The following IL1RAP variants were observed in gnomAD, a reference collection of about 807,000 sequenced individuals.
IL1RAP encodes the protein interleukin-1 receptor accessory protein.
IL1RAP carries 35 observed loss-of-function variants against 60.7 expected under a neutral mutation model. The ratio of observed to expected loss-of-function variants is 0.58; its 90% confidence interval spans 0.44 to 0.76. The LOEUF is 0.76. Among genes scored for constraint, IL1RAP ranks in the 30% least tolerant of loss-of-function variants. The pLI is 0.00. For missense variants in IL1RAP, 572 were observed against 693.9 expected (o/e 0.82, Z 1.97); for synonymous variants, 268 against 250.9 (o/e 1.07, Z -0.64).
chr3:190,633,877 C>T (rs12497824), intron 9 of IL1RAP, among the ~76,000 whole-genome samples: 8,720 of 152,042 alleles, frequency 0.057, 395 homozygotes, highest in East Asian at 0.15. Flanking sequence ...TTTTACTGTC[C>T]GTTTCACTCT....
intron 9 of IL1RAP, among the ~76,000 whole-genome samples, chr3:190,639,525 T>C (rs1560237432): frequency 1.3e-5 from 2 of 152,198 alleles, no homozygotes; most frequent in Non-Finnish European, 1.5e-5. Flanking sequence ...TTTAAAAAAA[T>C]TGAACAAATA....
chr3:190,538,454 G>T (rs1723651851), intron 1 of IL1RAP, among the ~76,000 whole-genome samples: 2 of 152,158 alleles, frequency 1.3e-5, no homozygotes, highest in Non-Finnish European at 2.9e-5. Context: ...ATCACAGACT[G>T]TATCTTCAGC....
At chr3:190,535,829 G>A (rs1285327884) in intron 1 of IL1RAP, among the ~76,000 whole-genome samples, 1 of 152,154 alleles carries the variant, frequency 6.6e-6, no homozygotes, top group Non-Finnish European at 1.5e-5. Context: ...TGTCTATTAA[G>A]TGCTGTGTTT....
intron 1 of IL1RAP, among the ~76,000 whole-genome samples, chr3:190,520,787 C>T (rs112546261): frequency 0.022 from 3,281 of 152,294 alleles, 70 homozygotes; most frequent in East Asian, 0.11. Context: ...CTCATGATTA[C>T]ACGGCTTCCT....
chr3:190,543,949 T>C (rs6793145), intron 1 of IL1RAP, among the ~76,000 whole-genome samples: 3,303 of 152,292 alleles, frequency 0.022, 116 homozygotes, highest in African/African-American at 0.071. Context: ...TACAGCCTTC[T>C]TGTTTGCAGT....
chr3:190,579,943 T>C (rs1215502491), intron 3 of IL1RAP, among the ~76,000 whole-genome samples: 1 of 152,240 alleles, frequency 6.6e-6, no homozygotes, highest in Non-Finnish European at 1.5e-5. Flanking sequence ...ATAATATTCA[T>C]CATTGAATCA....
intron 1 of IL1RAP, among the ~76,000 whole-genome samples, chr3:190,555,564 G>C (rs1725342871): frequency 6.6e-6 from 1 of 152,124 alleles, no homozygotes; most frequent in Non-Finnish European, 1.5e-5. Context: ...CTTCAGCCTG[G>C]AACAGCCTTT....
rs1383049438 is a variant in IL1RAP, at chr3:190,609,152, A to G, written c.508A>G (p.Ser170Gly). ...AAATGTAGATGGATATTTTCCTTCC[A>G]GTGTCAAACCGACTATCACTTGGTA... ...CPNVDGYFPS[S>G]VKPTITWYMG... The change falls in exon 5 of 12, where the codon AGT becomes GGT. Residue 170 changes from serine to glycine, a missense_variant. By Grantham distance (56) the Ser-to-Gly change is moderately conservative (BLOSUM62 0). Transcript: ENST00000447382. 1 of 1,611,686 alleles carries G rather than the reference A, an allele frequency of 6.2e-7. No homozygotes were observed.
intron 4 of IL1RAP, among the ~76,000 whole-genome samples, chr3:190,605,532 C>T (rs769255139): frequency 1.3e-5 from 2 of 152,054 alleles, no homozygotes; most frequent in African/African-American, 2.4e-5. Flanking sequence ...GCTATTTAAC[C>T]GGTGTGTGGC....
chr3:190,606,850 T>A lies in IL1RAP; in HGVS notation c.351-2145T>A, dbSNP rs1730370837. Among the ~76,000 whole-genome samples, 7 of 152,322 alleles carry A rather than the reference T, an allele frequency of 4.6e-5. No individual in the cohort carries two copies. In the South Asian group the frequency reaches 1.4e-3, roughly 32 times the overall value. ...CTGAATGTCTTTAAGGCCATAAAGTTAGTTTCGTCTTTCAGTATTTTATTT... is the reference window on the plus strand; with the variant it reads ...CTGAATGTCTTTAAGGCCATAAAGTAAGTTTCGTCTTTCAGTATTTTATTT... On this transcript the variant is annotated intron_variant, in intron 4 of 11. Transcript: ENST00000447382.
chr3:190,553,133 A>G (rs1252828241), intron 1 of IL1RAP, among the ~76,000 whole-genome samples: 1 of 152,174 alleles, frequency 6.6e-6, no homozygotes, highest in African/African-American at 2.4e-5. Context: ...AGGTAAGCTA[A>G]ACAAAGCCTT....
intron 1 of IL1RAP, among the ~76,000 whole-genome samples, chr3:190,536,248 A>T (rs1379178216): frequency 6.6e-6 from 1 of 152,214 alleles, no homozygotes; most frequent in Non-Finnish European, 1.5e-5. Context: ...CCAAGTTGTT[A>T]TCTGAAGATC....
chr3:190,529,857 C>CAA (rs56743516), intron 1 of IL1RAP, among the ~76,000 whole-genome samples: 2,108 of 75,890 alleles, frequency 0.028, 38 homozygotes, highest in African/African-American at 0.054. Flanking sequence ...GACTCTGACT[C>CAA]AAAAAAAAAA....
chr3:190,591,100 TC>T (rs559438480), intron 3 of IL1RAP, among the ~76,000 whole-genome samples: 12 of 152,306 alleles, frequency 7.9e-5, no homozygotes, highest in African/African-American at 2.6e-4. Context: ...AGCTTAAACA[TC>T]AACAACATTT....
chr3:190,571,106 G>A (rs1238144740), intron 3 of IL1RAP, among the ~76,000 whole-genome samples: 1 of 151,662 alleles, frequency 6.6e-6, no homozygotes, highest in Non-Finnish European at 1.5e-5. Context: ...AAAGAAAACA[G>A]GCACATCGAT....
At chr3:190,552,349 C>G (rs976678916) in intron 1 of IL1RAP, among the ~76,000 whole-genome samples, 3 of 152,222 alleles carry the variant, frequency 2.0e-5, no homozygotes, top group Non-Finnish European at 4.4e-5. Flanking sequence ...CATATAATAC[C>G]TTTTTGAATT....
intron 1 of IL1RAP, among the ~76,000 whole-genome samples, chr3:190,543,893 G>T (rs543699610): frequency 6.6e-6 from 1 of 152,298 alleles, no homozygotes; most frequent in Admixed American, 6.5e-5. Flanking sequence ...TCATCAGTCG[G>T]CCTTTACAGG....
At position 190,535,657 on chromosome 3, in the gene IL1RAP, C is replaced by T. The variant is rs558567564; in HGVS notation, c.-88-20473C>T. The stretch of plus-strand genomic sequence containing the variant: ...TCTGAGAATGCTGAACAATGAGTGT[C>T]TTCTAGCTCAAGTTACAGTTTGTAA... On this transcript the variant is annotated intron_variant, in intron 1 of 11. Transcript: ENST00000447382. Among the ~76,000 whole-genome samples, 4 of 152,332 alleles carry T rather than the reference C, an allele frequency of 2.6e-5. No individual in the cohort carries two copies. The South Asian group carries it at 8.3e-4, about 32-fold the overall frequency.
chr3:190,656,077 A>G, downstream of IL1RAP: 1 of 1,537,286 alleles, frequency 6.5e-7, no homozygotes, highest in Non-Finnish European at 8.7e-7. Context: ...GCACCCAGGC[A>G]TTCTTCAGCT....
Sources: allele counts gnomAD v4.1 joint callset (sites outside exome capture counted in the v4.1 genomes callset), GRCh38; gene constraint gnomAD v4.1.1; transcripts MANE v1.5; gene names NCBI Gene and HGNC (gene_info 2026-07-23, HGNC 2026-07-21).